IPMK: variants seen among roughly 807,000 people sequenced by gnomAD.
IPMK encodes the protein inositol polyphosphate multikinase.
IPMK carries 17 observed loss-of-function variants against 45.8 expected under a neutral mutation model. The ratio of observed to expected loss-of-function variants is 0.37; its 90% CI spans 0.25 to 0.56. IPMK has a LOEUF of 0.56. Ranked by LOEUF, IPMK falls within the 20% of genes least tolerant of loss-of-function variation. IPMK has a pLI of 0.79. For missense variants in IPMK, 399 were observed against 498.0 expected, an observed-to-expected ratio of 0.80 and a Z score of 1.89; for synonymous variants, 180 against 184.3, an observed-to-expected ratio of 0.98 and a Z score of 0.19.
chr10:58,210,117 G>A (rs1838135731), intron 4 of IPMK, among the ~76,000 whole-genome samples: 1 of 152,022 alleles, frequency 6.6e-6, no homozygotes, highest in Non-Finnish European at 1.5e-5. Flanking sequence ...CACTGTGGGG[G>A]ATGGGGGGTG....
At chr10:58,245,503 T>A (rs909639280) in intron 1 of IPMK, among the ~76,000 whole-genome samples, 1 of 149,960 alleles carries the variant, frequency 6.7e-6, no homozygotes, top group Non-Finnish European at 1.5e-5. Context: ...TCCCAACTAC[T>A]CGGGAGGCTG....
At chr10:58,256,736 T>G (rs1463518455) in intron 1 of IPMK, among the ~76,000 whole-genome samples, 1 of 152,180 alleles carries the variant, frequency 6.6e-6, no homozygotes, top group African/African-American at 2.4e-5. Context: ...AATTTCTCTC[T>G]TTGTACTCTT....
In IPMK at chr10:58,267,508, G is replaced by A; in HGVS notation, c.104C>T (p.Pro35Leu). The change falls in exon 1 of 6, where the codon CCG (proline) becomes CTG (leucine). Residue 35 changes from proline to leucine, a missense_variant. By Grantham distance (98) the Pro-to-Leu change is moderately conservative. Coordinates refer to ENST00000373935, the MANE Select transcript of IPMK (RefSeq NM_152230.5). Reference protein sequence around the residue: ...IESTPEGTPQPAGGRLRFLNG... With the variant: ...IESTPEGTPQLAGGRLRFLNG... ...GAGGAAGCGGAGTCTGCCGCCCGCC[G>A]GCTGCGGGGTGCCCTCAGGGGTGGA... 5 of 1,613,420 alleles carry A rather than the reference G, an allele frequency of 3.1e-6. No homozygotes were observed. The highest frequency in any genetic ancestry group is 4.2e-6 in the Non-Finnish European group (5 of 1,179,826).
chr10:58,206,625 C>CTAT (rs530571358), intron 4 of IPMK, among the ~76,000 whole-genome samples: 17 of 152,006 alleles, frequency 1.1e-4, no homozygotes, highest in Admixed American at 9.8e-4. Context: ...GAAGAGTTTA[C>CTAT]TATTATTATT....
chr10:58,223,491 T>C (rs867118770), intron 3 of IPMK, among the ~76,000 whole-genome samples: 1 of 152,288 alleles, frequency 6.6e-6, no homozygotes, highest in East Asian at 1.9e-4. Context: ...TTAATCAATA[T>C]TGTTGATTTC....
chr10:58,212,936 C>G (rs1838186878), intron 4 of IPMK: 2 of 216,190 alleles, frequency 9.3e-6, no homozygotes, highest in African/African-American at 4.6e-5. Flanking sequence ...ACCATATTCC[C>G]CTCCACCACC....
intron 4 of IPMK, among the ~76,000 whole-genome samples, chr10:58,199,994 A>C (rs1167294051): frequency 6.6e-6 from 1 of 152,254 alleles, no homozygotes; most frequent in Non-Finnish European, 1.5e-5. Context: ...ATGTAAAAGA[A>C]GATATCTTTA....
At chr10:58,248,324 T>A (rs964619423) in intron 1 of IPMK, among the ~76,000 whole-genome samples, 2 of 152,168 alleles carry the variant, frequency 1.3e-5, no homozygotes, top group African/African-American at 4.8e-5. Context: ...CTGTGTTTTT[T>A]AACAAAATTA....
Position 58,267,455 on chromosome 10 carries a change from C to G in IPMK, c.157G>C (p.Val53Leu), listed in dbSNP as rs762946956. ...LNGCVPLSHQ[V>L]AGHMYGKDKV... ...TCCTTCCCGTACATGTGCCCGGCCACCTGATGCGAGAGGGGCACGCAGCCG... is the reference window on the plus strand; with the variant it reads ...TCCTTCCCGTACATGTGCCCGGCCAGCTGATGCGAGAGGGGCACGCAGCCG... The change falls in exon 1 of 6, where the codon GTG (valine) becomes CTG (leucine). Residue 53 changes from valine (V) to leucine (L), a missense_variant. By Grantham distance (32) the Val-to-Leu change is conservative. Transcript: ENST00000373935. 3 of 1,613,868 alleles carry G rather than the reference C, an allele frequency of 1.9e-6. No individual in the cohort carries two copies. The Admixed American group carries it at 5.0e-5, about 27-fold the overall frequency.
At chr10:58,243,626 T>C (rs969055570) in intron 1 of IPMK, among the ~76,000 whole-genome samples, 3 of 152,232 alleles carry the variant, frequency 2.0e-5, no homozygotes, top group Non-Finnish European at 2.9e-5. Flanking sequence ...CGCCTCGGCC[T>C]CCCGAGGTGC....
At chr10:58,196,929 G>T (rs1321291063) in intron 5 of IPMK, among the ~76,000 whole-genome samples, 3 of 152,114 alleles carry the variant, frequency 2.0e-5, no homozygotes, top group Non-Finnish European at 4.4e-5. Context: ...AATATAATAT[G>T]AAATATCCTA....
intron 4 of IPMK, among the ~76,000 whole-genome samples, chr10:58,215,240 C>A (rs1838226605): frequency 6.6e-6 from 1 of 152,170 alleles, no homozygotes; most frequent in African/African-American, 2.4e-5. Context: ...CTATACCCAG[C>A]TGAACCATCA....
Position 58,245,928 on chromosome 10 carries a change from G to A in IPMK, c.191-8114C>T, listed in dbSNP as rs556294549. Among the ~76,000 whole-genome samples the A allele has an allele frequency of 5.7e-5, 8 of 140,758 alleles. No homozygotes were observed. In the East Asian group the frequency reaches 6.3e-4, roughly 11 times the overall value. The allele number at this position is 140,758 out of a possible 152,430, so 92.3% of individuals were successfully genotyped here. On this transcript the variant is annotated intron_variant, in intron 1 of 5. Transcript: ENST00000373935. Reference sequence around the variant, plus strand: ...CCCCACTGTCTCAGCCCAAATCTCCGTAAGCTGATAAGCAACTTCAGCAAA... The same window carrying A: ...CCCCACTGTCTCAGCCCAAATCTCCATAAGCTGATAAGCAACTTCAGCAAA...
intron 1 of IPMK, among the ~76,000 whole-genome samples, chr10:58,244,268 C>T (rs1283211777): frequency 2.2e-5 from 3 of 139,338 alleles, no homozygotes; most frequent in Non-Finnish European, 4.6e-5. Flanking sequence ...GTGGGGAGCG[C>T]GTCTGCCCAG....
chr10:58,231,410 G>A (rs902661811), intron 2 of IPMK, among the ~76,000 whole-genome samples: 1 of 152,172 alleles, frequency 6.6e-6, no homozygotes, highest in South Asian at 2.1e-4. Flanking sequence ...AGGAAAAAGT[G>A]TCAAGGACAG....
At chr10:58,204,868 A>C (rs192221121) in intron 4 of IPMK, among the ~76,000 whole-genome samples, 2 of 152,318 alleles carry the variant, frequency 1.3e-5, no homozygotes, top group East Asian at 3.9e-4. Context: ...CTCCAAAGCA[A>C]CATTAATCAA....
chr10:58,229,721 A>AG (rs1266170281), intron 2 of IPMK, among the ~76,000 whole-genome samples: 1 of 152,028 alleles, frequency 6.6e-6, no homozygotes, highest in Non-Finnish European at 1.5e-5. Flanking sequence ...GGAAAGAAAG[A>AG]GGGGGGTGTT....
intron 3 of IPMK, among the ~76,000 whole-genome samples, chr10:58,220,667 C>G (rs539626949): frequency 6.6e-6 from 1 of 152,270 alleles, no homozygotes; most frequent in African/African-American, 2.4e-5. Context: ...TTACACATTC[C>G]CATATCCCCT....
intron 2 of IPMK, among the ~76,000 whole-genome samples, chr10:58,227,697 C>T (rs1838440095): frequency 6.6e-6 from 1 of 152,056 alleles, no homozygotes; most frequent in African/African-American, 2.4e-5. Context: ...TCCTTTAACA[C>T]AATGTAAGTC....
Sources: gnomAD v4.1 joint callset for allele counts (sites outside exome capture counted in the v4.1 genomes callset) on GRCh38, gnomAD v4.1.1 for gene constraint, MANE v1.5 for transcripts, NCBI Gene and HGNC (gene_info 2026-07-23, HGNC 2026-07-21) for gene names.